The following PTPRM variants were observed in gnomAD, a reference collection of about 807,000 sequenced individuals.
PTPRM encodes protein tyrosine phosphatase receptor type M.
A neutral mutation model predicts 186.7 loss-of-function variants in PTPRM; 47 were observed. That is an observed-to-expected ratio of 0.25 (90% CI 0.20 to 0.32). The LOEUF (loss-of-function observed/expected upper bound fraction) is 0.32, where lower values mean the gene tolerates loss of function less well. PTPRM is among the 10% of genes least tolerant of loss of function. PTPRM has a pLI of 1.00. For synonymous variants in PTPRM, 668 were observed against 674.9 expected, an observed-to-expected ratio of 0.99 and a Z score of 0.16; for missense variants, 1,494 against 1,865.0, an observed-to-expected ratio of 0.80 and a Z score of 3.66.
At chr18:8,352,701 T>TCA (rs1331923118) in intron 23 of PTPRM, among the ~76,000 whole-genome samples, 4 of 150,702 alleles carry the variant, frequency 2.7e-5, no homozygotes, top group Non-Finnish European at 5.9e-5. Flanking sequence ...AGATGGAGTC[T>TCA]CACTCTGTCA....
intron 23 of PTPRM, among the ~76,000 whole-genome samples, chr18:8,351,648 A>G (rs79590765): frequency 0.025 from 3,834 of 152,264 alleles, 172 homozygotes; most frequent in African/African-American, 0.085. Context: ...TCTGTAGGTC[A>G]TGAATTATCT....
At chr18:8,019,975 G>A (rs2085108908) in intron 7 of PTPRM, among the ~76,000 whole-genome samples, 1 of 151,470 alleles carries the variant, frequency 6.6e-6, no homozygotes, top group South Asian at 2.1e-4. Context: ...TTTAAAAAGG[G>A]GACCTTTTTA....
chr18:7,858,395 T>TA (rs200698286), intron 2 of PTPRM, among the ~76,000 whole-genome samples: 53 of 149,950 alleles, frequency 3.5e-4, no homozygotes, highest in African/African-American at 1.1e-3. Context: ...CGTCTCTTAT[T>TA]AAAAAAAAAA....
intron 1 of PTPRM, among the ~76,000 whole-genome samples, chr18:7,621,883 G>T (rs958388693): frequency 6.6e-6 from 1 of 152,124 alleles, no homozygotes; most frequent in Non-Finnish European, 1.5e-5. Flanking sequence ...GGATATCTTG[G>T]TTGCTTCCAA....
chr18:7,712,070 C>T (rs1358452598), intron 1 of PTPRM, among the ~76,000 whole-genome samples: 4 of 152,174 alleles, frequency 2.6e-5, no homozygotes, highest in African/African-American at 7.2e-5. Flanking sequence ...GACTGGGAGA[C>T]ACCTCCCAGC....
chr18:7,593,236 G>A (rs1189726747), intron 1 of PTPRM, among the ~76,000 whole-genome samples: 1 of 152,088 alleles, frequency 6.6e-6, no homozygotes. Context: ...TGGTCTTACC[G>A]AAATTTCAGG....
rs372545811 is a variant in PTPRM at position 7,972,270 on chromosome 18, A to G, written c.1132+16856A>G. On this transcript the variant is annotated intron_variant, in intron 7 of 32. Transcript: ENST00000580170. Reference sequence around the variant, plus strand: ...GGTGGGAATTGAACAATGAGATCACATGGACACAGGAAGGGGAATATCACA... The same window carrying G: ...GGTGGGAATTGAACAATGAGATCACGTGGACACAGGAAGGGGAATATCACA... 6.3e-4 allele frequency among the ~76,000 whole-genome samples: 80 copies of G among 126,384 alleles called. No individual in the cohort carries two copies. In the East Asian group the frequency reaches 0.012, roughly 19 times the overall value. 82.9% of individuals were successfully genotyped at this position (126,384 alleles called of 152,430 possible).
chr18:7,683,163 ATT>A (rs761087539), intron 1 of PTPRM, among the ~76,000 whole-genome samples: 132 of 123,316 alleles, frequency 1.1e-3, no homozygotes, highest in African/African-American at 2.3e-3. Flanking sequence ...TTGGCTTGCC[ATT>A]TTTTTTTTTT....
intron 1 of PTPRM, among the ~76,000 whole-genome samples, chr18:7,628,770 G>A (rs1363435075): frequency 6.6e-6 from 1 of 152,176 alleles, no homozygotes; most frequent in Non-Finnish European, 1.5e-5. Context: ...GACCCAAAAT[G>A]CTGGCTTCAT....
intron 1 of PTPRM, among the ~76,000 whole-genome samples, chr18:7,705,951 A>C (rs181659963): frequency 1.6e-4 from 24 of 146,866 alleles, no homozygotes; most frequent in Non-Finnish European, 3.3e-4. Context: ...ATAGTGATTT[A>C]TATATATATA....
At chr18:8,057,600 C>A (rs1362397227) in intron 7 of PTPRM, among the ~76,000 whole-genome samples, 3 of 103,740 alleles carry the variant, frequency 2.9e-5, no homozygotes, top group Non-Finnish European at 3.7e-5. Flanking sequence ...CTATCCCTCC[C>A]CCCTCCCCCC....
chr18:8,090,183 A>G (rs2145349905), intron 11 of PTPRM, among the ~76,000 whole-genome samples: 1 of 152,292 alleles, frequency 6.6e-6, no homozygotes. Flanking sequence ...ATTAGATGCT[A>G]TCCAAGACTC....
At chr18:7,918,431 A>G (rs892578440) in intron 4 of PTPRM, among the ~76,000 whole-genome samples, 5 of 152,128 alleles carry the variant, frequency 3.3e-5, no homozygotes, top group South Asian at 2.1e-4. Context: ...AAAAGCCATC[A>G]TAAGTGGAGT....
chr18:8,183,706 T>A (rs1482209295), intron 14 of PTPRM, among the ~76,000 whole-genome samples: 1 of 152,168 alleles, frequency 6.6e-6, no homozygotes, highest in Non-Finnish European at 1.5e-5. Flanking sequence ...GAATAATCAA[T>A]GGGAGGAATG....
intron 7 of PTPRM, among the ~76,000 whole-genome samples, chr18:7,986,315 A>T (rs1480276632): frequency 6.6e-6 from 1 of 152,200 alleles, no homozygotes; most frequent in Non-Finnish European, 1.5e-5. Flanking sequence ...AGAAAAGCAG[A>T]TTCCTTACTT....
chr18:7,993,175 A>G (rs2083351641), intron 7 of PTPRM, among the ~76,000 whole-genome samples: 1 of 151,996 alleles, frequency 6.6e-6, no homozygotes, highest in Non-Finnish European at 1.5e-5. Flanking sequence ...TAACCCAGTC[A>G]GACATAAATG....
At chr18:8,217,172 CTT>C (rs756510920) in intron 14 of PTPRM, among the ~76,000 whole-genome samples, 9 of 152,186 alleles carry the variant, frequency 5.9e-5, no homozygotes, top group Non-Finnish European at 1.0e-4. Flanking sequence ...ATCAGTTTAT[CTT>C]TGGTTTAGCC....
At chr18:7,902,304 A>G (rs1472309480) in intron 3 of PTPRM, among the ~76,000 whole-genome samples, 1 of 152,182 alleles carries the variant, frequency 6.6e-6, no homozygotes, top group Non-Finnish European at 1.5e-5. Flanking sequence ...CTTGTCTCTA[A>G]TTCTTTTTTG....
chr18:8,362,205 G>C (rs146327454), intron 23 of PTPRM, among the ~76,000 whole-genome samples: 1 of 152,124 alleles, frequency 6.6e-6, no homozygotes, highest in East Asian at 1.9e-4. Flanking sequence ...TGCCATATCC[G>C]ACCTACTCAC....
Sources: gnomAD v4.1 joint callset for allele counts (sites outside exome capture counted in the v4.1 genomes callset) on GRCh38, gnomAD v4.1.1 for gene constraint, MANE v1.5 for transcripts, NCBI Gene and HGNC (gene_info 2026-07-23, HGNC 2026-07-21) for gene names.